OR52E5: variants seen among roughly 807,000 people sequenced by gnomAD.
OR52E5 encodes olfactory receptor family 52 subfamily E member 5.
rs755988181 is a variant in OR52E5, at chr11:5,902,646, G to A, written c.*886G>A. The A allele has an allele frequency of 3.9e-5, 6 of 152,174 alleles. No homozygotes were observed. The highest frequency in any genetic ancestry group is 7.3e-5 in the Non-Finnish European group (5 of 68,040). 9.4% of individuals were successfully genotyped at this position (152,174 alleles called of 1,614,324 possible). Reference sequence around the variant, plus strand: ...GTGGGTTTTAGGGCAGACTGTAATAGTGTGGCTGCTGAAATAATATAAAGT... The same window carrying A: ...GTGGGTTTTAGGGCAGACTGTAATAATGTGGCTGCTGAAATAATATAAAGT... On this transcript the variant is annotated 3_prime_UTR_variant, in exon 3 of 3. Transcript: ENST00000610445.
chr11:5,901,734 T>G lies in OR52E5; in HGVS notation c.958T>G (p.Phe320Val), dbSNP rs2134298923. Residue 320 changes from phenylalanine to valine, a missense_variant, in exon 3 of 3, where the codon TTC becomes GTC. Coordinates refer to ENST00000610445, the MANE Select transcript of OR52E5 (RefSeq NM_001005166.5). ...SFWHFDPKRI[F>V]HNNSVRQ ...TTGGCATTTTGACCCCAAGAGGATC[T>G]TCCACAACAATTCAGTTAGACAATA... is the stretch of plus-strand genomic sequence containing the variant. 1 of 400,862 alleles carries G rather than the reference T, an allele frequency of 2.5e-6. No individual in the cohort carries two copies. The highest frequency in any genetic ancestry group is 4.4e-5 in the Admixed American group (1 of 22,736). The allele number at this position is 400,862 out of a possible 1,614,324, so 24.8% of individuals were successfully genotyped here. A position where few individuals can be genotyped will look rare whatever the true frequency, so the allele number is the denominator to read the frequency against.
At chr11:5,898,972 A>G (rs557279437) in intron 2 of OR52E5, among the ~76,000 whole-genome samples, 1 of 152,284 alleles carries the variant, frequency 6.6e-6, no homozygotes, top group African/African-American at 2.4e-5. Context: ...CTAATTTGAA[A>G]AAATGGCTTT....
Position 5,901,698 on chromosome 11 carries a change from C to T in OR52E5, c.922C>T (p.Pro308Ser). 2.5e-6 allele frequency: 1 copy of T among 400,996 alleles called. No homozygotes were observed. The highest frequency in any genetic ancestry group is 4.4e-6 in the Non-Finnish European group (1 of 226,210). 24.8% of individuals were successfully genotyped at this position (400,996 alleles called of 1,614,324 possible). ...IREQVLRILN[P>S]KSFWHFDPKR... ...AGAGCAGGTACTTAGGATACTCAAC[C>T]CTAAAAGCTTTTGGCATTTTGACCC... The change falls in exon 3 of 3, where the codon CCT becomes TCT. Residue 308 changes from proline to serine, a missense_variant. By Grantham distance (74) the Pro-to-Ser change is moderately conservative. Transcript: ENST00000610445.
chr11:5,895,686 G>A lies in OR52E5; in HGVS notation c.-173G>A, dbSNP rs1847163543. ...TTGACCCCTGCGGAAGCATTACATT[G>A]GAGGAAACACAATAACTGAAAAACC... On this transcript the variant is annotated 5_prime_UTR_variant, in exon 2 of 3. Transcript: ENST00000610445. The A allele has an allele frequency of 6.6e-6, 1 of 152,188 alleles. No individual in the cohort carries two copies. Among genetic ancestry groups the A allele is most frequent in the Non-Finnish European group, 1.5e-5 (1 of 68,032 alleles). The allele number at this position is 152,188 out of a possible 1,614,324, so 9.4% of individuals were successfully genotyped here. A position where few individuals can be genotyped will look rare whatever the true frequency, so the allele number is the denominator to read the frequency against.
intron 2 of OR52E5, among the ~76,000 whole-genome samples, chr11:5,899,883 A>G (rs1442299934): frequency 1.3e-5 from 2 of 152,190 alleles, no homozygotes; most frequent in Non-Finnish European, 2.9e-5. Context: ...CTGTCCATCA[A>G]TATACCAGGG....
intron 2 of OR52E5, among the ~76,000 whole-genome samples, chr11:5,896,157 C>G (rs1847170802): frequency 6.9e-6 from 1 of 144,876 alleles, no homozygotes; most frequent in Non-Finnish European, 1.5e-5. Context: ...TCAGAGAAGA[C>G]TTTGGGAGGC....
At position 5,901,744 on chromosome 11, in the gene OR52E5, A is replaced by C; in HGVS notation, c.968A>C (p.Asn323Thr). Residue 323 changes from asparagine to threonine, a missense_variant, in exon 3 of 3, where the codon AAT becomes ACT. Physicochemically the swap from Asn to Thr is moderately conservative, Grantham distance 65 (BLOSUM62 0). Transcript: ENST00000610445. ...GACCCCAAGAGGATCTTCCACAACA[A>C]TTCAGTTAGACAATAATGAGATCAT... The part of the protein sequence containing the change: ...HFDPKRIFHN[N>T]SVRQ The C allele has an allele frequency of 2.5e-6, 1 of 400,752 alleles. No individual in the cohort carries two copies. The highest frequency in any genetic ancestry group is 2.0e-5 in the African/African-American group (1 of 48,832). The allele number at this position is 400,752 out of a possible 1,614,324, so 24.8% of individuals were successfully genotyped here.
At chr11:5,896,271 A>AAAAAAAG (rs1847173322) in intron 2 of OR52E5, among the ~76,000 whole-genome samples, 2 of 146,414 alleles carry the variant, frequency 1.4e-5, no homozygotes, top group African/African-American at 5.0e-5. Flanking sequence ...AAAAAAAAAA[A>AAAAAAAG]TTAGCCGGGC....
chr11:5,900,287 A>T (rs965437316), intron 2 of OR52E5, among the ~76,000 whole-genome samples: 2 of 152,238 alleles, frequency 1.3e-5, no homozygotes, highest in African/African-American at 2.4e-5. Context: ...CCTCTCACAG[A>T]GAATATTCTT....
At chr11:5,896,390 C>T (rs1847175512) in intron 2 of OR52E5, among the ~76,000 whole-genome samples, 1 of 143,936 alleles carries the variant, frequency 6.9e-6, no homozygotes, top group Admixed American at 7.0e-5. Flanking sequence ...CACTGCACTC[C>T]AACCTGGGCG....
chr11:5,896,758 C>T (rs1177542608), intron 2 of OR52E5, among the ~76,000 whole-genome samples: 1 of 152,176 alleles, frequency 6.6e-6, no homozygotes, highest in Non-Finnish European at 1.5e-5. Flanking sequence ...TTATTACCCC[C>T]AGCTTACATA....
chr11:5,898,815 A>C (rs1315002150), intron 2 of OR52E5, among the ~76,000 whole-genome samples: 1 of 152,166 alleles, frequency 6.6e-6, no homozygotes. Flanking sequence ...TGTTTCCAGC[A>C]ATGCCATGCT....
Position 5,901,758 on chromosome 11 carries a change from T to G in OR52E5, c.982T>G (p.Ter328GluextTer1), listed in dbSNP as rs1274940687. The G allele has an allele frequency of 2.5e-6, 1 of 400,476 alleles. No homozygotes were observed. The highest frequency in any genetic ancestry group is 4.4e-6 in the Non-Finnish European group (1 of 226,176). The allele number at this position is 400,476 out of a possible 1,614,324, so 24.8% of individuals were successfully genotyped here. A position where few individuals can be genotyped will look rare whatever the true frequency, so the allele number is the denominator to read the frequency against. The change falls in exon 3 of 3, where the codon TAA (stop) becomes GAA (glutamate). Residue 328 changes from the stop codon to glutamate, a stop_lost. Transcript: ENST00000610445. ...RIFHNNSVRQ[*>E] Reference sequence around the variant, plus strand: ...CTTCCACAACAATTCAGTTAGACAATAATGAGATCATAACAAAATAAACAC... The same window carrying G: ...CTTCCACAACAATTCAGTTAGACAAGAATGAGATCATAACAAAATAAACAC...
At position 5,901,454 on chromosome 11, in the gene OR52E5, T is replaced by A. The variant is rs920973091; in HGVS notation, c.678T>A (p.His226Gln). The A allele has an allele frequency of 2.5e-6, 1 of 401,710 alleles. No homozygotes were observed. The highest frequency in any genetic ancestry group is 4.4e-6 in the Non-Finnish European group (1 of 226,368). 24.9% of individuals were successfully genotyped at this position (401,710 alleles called of 1,614,324 possible). ...TCCAGATCCTCCGAGCTGTCTTCCA[T>A]CTCCCAGCCTGGGATGCCCGGCCTA... Reference protein sequence around the residue: ...SYVQILRAVFHLPAWDARPKA... With the variant: ...SYVQILRAVFQLPAWDARPKA... Residue 226 changes from histidine to glutamine, a missense_variant, in exon 3 of 3, where the codon CAT (histidine) becomes CAA (glutamine). Transcript: ENST00000610445.
intron 2 of OR52E5, among the ~76,000 whole-genome samples, chr11:5,896,474 T>G (rs1292070249): frequency 2.0e-5 from 3 of 151,626 alleles, no homozygotes; most frequent in Admixed American, 1.3e-4. Context: ...GAAAAATTAT[T>G]CAGTTTTCAA....
chr11:5,894,136 T>C (rs1847141452), intron 1 of OR52E5, among the ~76,000 whole-genome samples: 1 of 152,228 alleles, frequency 6.6e-6, no homozygotes, highest in African/African-American at 2.4e-5. Flanking sequence ...AAAAAAATCA[T>C]GTTATCATGG....
chr11:5,899,483 T>G (rs909829749), intron 2 of OR52E5, among the ~76,000 whole-genome samples: 1 of 152,198 alleles, frequency 6.6e-6, no homozygotes, highest in African/African-American at 2.4e-5. Flanking sequence ...CCAAAGCAGT[T>G]CTTTGGGCCT....
intron 2 of OR52E5, among the ~76,000 whole-genome samples, chr11:5,897,038 G>A (rs1297195439): frequency 6.6e-6 from 1 of 152,186 alleles, no homozygotes; most frequent in Non-Finnish European, 1.5e-5. Context: ...CGGATGCTGG[G>A]GCAGGGGATA....
chr11:5,893,500 A>T (rs953894057), intron 1 of OR52E5, among the ~76,000 whole-genome samples: 4 of 152,164 alleles, frequency 2.6e-5, no homozygotes, highest in Non-Finnish European at 5.9e-5. Flanking sequence ...AAAAGCAGTA[A>T]ACAAACTTCA....
Sources: gnomAD v4.1 joint callset for allele counts (sites outside exome capture counted in the v4.1 genomes callset) on GRCh38, gnomAD v4.1.1 for gene constraint, MANE v1.5 for transcripts, NCBI Gene and HGNC (gene_info 2026-07-23, HGNC 2026-07-21) for gene names.